The following PRPF3 variants were observed in gnomAD, a reference collection of about 807,000 sequenced individuals.
The protein encoded by PRPF3 is pre-mRNA processing factor 3, also known as U4/U6 small nuclear ribonucleoprotein Prp3.
Under a neutral mutation model 89.2 loss-of-function variants are expected in PRPF3, and 3 were observed. That is an observed-to-expected ratio of 0.03 (90% confidence interval 0.02 to 0.09). The LOEUF is 0.09. PRPF3 is among the 10% of genes least tolerant of loss of function. The probability of loss-of-function intolerance (pLI) is 1.00; values close to 1 mark genes in which losing one functional copy is unlikely to be tolerated. For synonymous variants in PRPF3, 270 were observed against 289.1 expected (o/e 0.93, Z 0.67); for missense variants, 463 against 828.8 (o/e 0.56, Z 5.42).
Position 150,346,300 on chromosome 1 carries a change from G to A in PRPF3, c.1760-108G>A, listed in dbSNP as rs1658265727. Reference sequence around the variant, plus strand: ...TTTTTGGAGTAGAAGGCCCTAAGATGTGGTTCCTGAGATTGCTTCAACTAC... The same window carrying A: ...TTTTTGGAGTAGAAGGCCCTAAGATATGGTTCCTGAGATTGCTTCAACTAC... On this transcript the variant is annotated intron_variant, in intron 13 of 15. Coordinates refer to ENST00000324862, the MANE Select transcript of PRPF3 (RefSeq NM_004698.4). The A allele has an allele frequency of 4.6e-6, 6 of 1,304,290 alleles. No homozygotes were observed. The South Asian group carries it at 5.9e-5, about 13-fold the overall frequency. 80.8% of individuals were successfully genotyped at this position (1,304,290 alleles called of 1,614,324 possible). A position where few individuals can be genotyped will look rare whatever the true frequency, so the allele number is the denominator to read the frequency against.
intron 1 of PRPF3, among the ~76,000 whole-genome samples, chr1:150,322,937 C>T (rs587611573): frequency 2.0e-5 from 3 of 149,442 alleles, no homozygotes; most frequent in African/African-American, 4.9e-5. Context: ...TGCAGTGGTG[C>T]GATCTCGGCT....
intron 15 of PRPF3, among the ~76,000 whole-genome samples, chr1:150,349,871 A>G (rs1473078224): frequency 2.2e-5 from 1 of 46,124 alleles, no homozygotes; most frequent in East Asian, 5.1e-4. Flanking sequence ...TAGTACATGT[A>G]TATCTTTTTT....
intron 14 of PRPF3, 150 bp downstream of exon 14, chr1:150,346,641 C>T: frequency 1.3e-6 from 1 of 765,480 alleles, no homozygotes; most frequent in Non-Finnish European, 2.2e-6. Context: ...GACTTTGAGC[C>T]TCCTAGACAT....
In PRPF3 at chr1:150,348,460, A is replaced by ATT. The variant is rs1185909509; in HGVS notation, c.1844-679_1844-678dup. Reference sequence around the variant, plus strand: ...AAAAAATATTTTGTTCTACACGTGCATTTTTTTTTTTTTTTTTTTGAGATG... The same window carrying ATT: ...AAAAAATATTTTGTTCTACACGTGCATTTTTTTTTTTTTTTTTTTTTGAGATG... On this transcript the variant is annotated intron_variant, in intron 14 of 15. Transcript: ENST00000324862. Among the ~76,000 whole-genome samples the ATT allele has an allele frequency of 3.1e-4, 15 of 48,464 alleles. 1 individual carries two copies. Among genetic ancestry groups the ATT allele is most frequent in the East Asian group, 7.8e-4 (1 of 1,278 alleles). The allele number at this position is 48,464 out of a possible 152,430, so 31.8% of individuals were successfully genotyped here.
At chr1:150,342,336 C>CTGA (rs1657836280) in intron 9 of PRPF3, among the ~76,000 whole-genome samples, 1 of 151,672 alleles carries the variant, frequency 6.6e-6, no homozygotes, top group Admixed American at 6.6e-5. Flanking sequence ...GCTGAGATTG[C>CTGA]GCCACTGCAC....
intron 9 of PRPF3, among the ~76,000 whole-genome samples, chr1:150,342,051 T>C (rs1399084570): frequency 6.6e-6 from 1 of 151,860 alleles, no homozygotes; most frequent in Non-Finnish European, 1.5e-5. Context: ...TGAGGGGGTT[T>C]AACAGCTTAA....
Position 150,353,109 on chromosome 1 carries a change from G to T in PRPF3, c.*130G>T. The T allele has an allele frequency of 7.9e-7, 1 of 1,267,476 alleles. No individual in the cohort carries two copies. Among genetic ancestry groups the T allele is most frequent in the Non-Finnish European group, 1.2e-6 (1 of 869,420 alleles). 78.5% of individuals were successfully genotyped at this position (1,267,476 alleles called of 1,614,324 possible). A position where few individuals can be genotyped will look rare whatever the true frequency, so the allele number is the denominator to read the frequency against. Reference sequence around the variant, plus strand: ...TGTGCCAAGCAGACACTGGGACAAAGGGAGAATATCTTGCTCCCCTCCTGA... The same window carrying T: ...TGTGCCAAGCAGACACTGGGACAAATGGAGAATATCTTGCTCCCCTCCTGA... On this transcript the variant is annotated 3_prime_UTR_variant, in exon 16 of 16. Coordinates refer to ENST00000324862, the MANE Select transcript of PRPF3 (RefSeq NM_004698.4).
intron 8 of PRPF3, among the ~76,000 whole-genome samples, chr1:150,339,743 T>TG (rs1324843222): frequency 6.7e-6 from 1 of 148,338 alleles, no homozygotes; most frequent in African/African-American, 2.5e-5. Context: ...TGGCGTTTTT[T>TG]TTTTTTTTTT....
At chr1:150,329,543 A>G (rs1307588141) in intron 4 of PRPF3, among the ~76,000 whole-genome samples, 1 of 152,228 alleles carries the variant, frequency 6.6e-6, no homozygotes, top group African/African-American at 2.4e-5. Context: ...CTCTCCAAAC[A>G]TAATGCAAAG....
chr1:150,351,667 A>ATTTTTTTT (rs10692607), intron 15 of PRPF3, among the ~76,000 whole-genome samples: 2 of 94,442 alleles, frequency 2.1e-5, no homozygotes, highest in Admixed American at 1.3e-4. Flanking sequence ...TGCCTGGCTA[A>ATTTTTTTT]TTTTTTTTTT....
chr1:150,327,519 C>A, intron 3 of PRPF3: 1 of 964,790 alleles, frequency 1.0e-6, no homozygotes, highest in Non-Finnish European at 1.2e-6. Context: ...CCACCCCACA[C>A]AATATATTAT....
intron 4 of PRPF3, chr1:150,330,528 TG>T (rs1353095451): frequency 2.0e-5 from 3 of 151,482 alleles, no homozygotes; most frequent in African/African-American, 7.3e-5. Context: ...ACTAATTTTT[TG>T]TATTTTTAGT....
rs1659107344 is a variant in PRPF3, at chr1:150,353,088, C to T, written c.*109C>T. 93 of 1,440,022 alleles carry T rather than the reference C, an allele frequency of 6.5e-5. No homozygotes were observed. The highest frequency in any genetic ancestry group is 9.0e-5 in the Non-Finnish European group (92 of 1,024,536). The allele number at this position is 1,440,022 out of a possible 1,614,324, so 89.2% of individuals were successfully genotyped here. On this transcript the variant is annotated 3_prime_UTR_variant, in exon 16 of 16. Coordinates refer to ENST00000324862, the MANE Select transcript of PRPF3 (RefSeq NM_004698.4). ...TTGTTTGTGTGATCTCAGAACTGTG[C>T]CAAGCAGACACTGGGACAAAGGGAG...
At chr1:150,348,460 A>ATTTTTCTTTTTTTTTTTTT (rs1658532195) in intron 14 of PRPF3, among the ~76,000 whole-genome samples, 1 of 48,464 alleles carries the variant, frequency 2.1e-5, no homozygotes, top group Non-Finnish European at 3.5e-5. Context: ...CTACACGTGC[A>ATTTTTCTTTTTTTTTTTTT]TTTTTTTTTT....
At chr1:150,323,448 C>T (rs1361386822) in intron 1 of PRPF3, among the ~76,000 whole-genome samples, 2 of 151,600 alleles carry the variant, frequency 1.3e-5, no homozygotes, top group African/African-American at 4.8e-5. Flanking sequence ...ATTACCTGGC[C>T]GATATGGTGA....
chr1:150,327,860 T>C lies in PRPF3; in HGVS notation c.277-460T>C, dbSNP rs587661861. 200 of 176,324 alleles carry C rather than the reference T, an allele frequency of 1.1e-3. 2 individuals are homozygous for C. In the Middle Eastern group the frequency reaches 0.026, roughly 23 times the overall value. The allele number at this position is 176,324 out of a possible 1,614,324, so 10.9% of individuals were successfully genotyped here. A position where few individuals can be genotyped will look rare whatever the true frequency, so the allele number is the denominator to read the frequency against. On this transcript the variant is annotated intron_variant, in intron 3 of 15. Coordinates refer to ENST00000324862, the MANE Select transcript of PRPF3 (RefSeq NM_004698.4). Reference sequence around the variant, plus strand: ...GAAAACTATACTAACATTGAAATACTTAACACTTGGCAAACAGAATATCAA... The same window carrying C: ...GAAAACTATACTAACATTGAAATACCTAACACTTGGCAAACAGAATATCAA...
At position 150,324,532 on chromosome 1, in the gene PRPF3, C is replaced by G. The variant is rs111364336; in HGVS notation, c.-48-363C>G. ...GGGGAATGCATTCCTGATGTACTAA[C>G]CATTTCCCTGGATCACTTTAGTCTT... On this transcript the variant is annotated intron_variant, in intron 1 of 15. Transcript: ENST00000324862. 2.8e-3 allele frequency among the ~76,000 whole-genome samples: 424 copies of G among 149,066 alleles called. 5 individuals are homozygous for G. Among genetic ancestry groups the G allele is most frequent in the African/African-American group, 9.7e-3 (395 of 40,602 alleles).
chr1:150,347,266 A>G (rs1404117147), intron 14 of PRPF3, among the ~76,000 whole-genome samples: 1 of 151,790 alleles, frequency 6.6e-6, no homozygotes, highest in Non-Finnish European at 1.5e-5. Flanking sequence ...ATACACACAT[A>G]CACATACATA....
chr1:150,348,881 C>G, intron 14 of PRPF3: 1 of 437,010 alleles, frequency 2.3e-6, no homozygotes. Context: ...AGTTTTTATT[C>G]TTGACTGCTT....
Sources: gnomAD v4.1 joint callset for allele counts (sites outside exome capture counted in the v4.1 genomes callset) on GRCh38, gnomAD v4.1.1 for gene constraint, MANE v1.5 for transcripts, NCBI Gene and HGNC (gene_info 2026-07-23, HGNC 2026-07-21) for gene names.